Variants in PCARE observed in about 807,000 individuals in gnomAD.
The protein encoded by PCARE is uncharacterized protein C2orf71.
In PCARE, 72 loss-of-function variants were observed where a neutral mutation model predicts 82.2. The observed-to-expected ratio is 0.88, with a 90% CI of 0.72 to 1.07. The LOEUF (loss-of-function observed/expected upper bound fraction) is 1.07. PCARE is among the 50% of genes least tolerant of loss of function. PCARE has a pLI of 0.00. For missense variants in PCARE, 1,768 were observed against 1,592.4 expected (o/e 1.11, Z -1.88); for synonymous variants, 705 against 634.8 (o/e 1.11, Z -1.66).
intron 1 of PCARE, among the ~76,000 whole-genome samples, chr2:29,066,216 C>T (rs944406237): frequency 6.6e-6 from 1 of 152,126 alleles, no homozygotes; most frequent in Non-Finnish European, 1.5e-5. Flanking sequence ...TCATAGGTAT[C>T]AATACTGGGT....
chr2:29,066,310 G>A (rs1477332647), intron 1 of PCARE, among the ~76,000 whole-genome samples: 2 of 152,148 alleles, frequency 1.3e-5, no homozygotes, highest in South Asian at 2.1e-4. Flanking sequence ...GAGCTGCATT[G>A]TTGAATGAAC....
Position 29,073,066 on chromosome 2 carries a change from T to G in PCARE, c.1196A>C (p.Gln399Pro), listed in dbSNP as rs748067441. Residue 399 changes from glutamine (Q) to proline (P), a missense_variant, in exon 1 of 2, where the codon CAA (glutamine) becomes CCA (proline). Transcript: ENST00000331664. ...EARQSGHTWQ[Q>P]SPFCLGSGRP... Reference sequence around the variant, plus strand: ...GCCTGAGCCCAAACAGAATGGACTTTGCTGCCAGGTGTGTCCTGACTGCCT... The same window carrying G: ...GCCTGAGCCCAAACAGAATGGACTTGGCTGCCAGGTGTGTCCTGACTGCCT... 1 of 1,614,014 alleles carries G rather than the reference T, an allele frequency of 6.2e-7. No homozygotes were observed. Among genetic ancestry groups the G allele is most frequent in the South Asian group, 1.1e-5 (1 of 91,074 alleles).
At chr2:29,066,641 G>C (rs533569649) in intron 1 of PCARE, among the ~76,000 whole-genome samples, 16 of 152,358 alleles carry the variant, frequency 1.1e-4, no homozygotes, top group Middle Eastern at 3.4e-3. Flanking sequence ...TGGGCGCTAA[G>C]ACCAGCACAC....
rs891696534 is a variant in PCARE, at chr2:29,074,359, A to T, written c.-98T>A. On this transcript the variant is annotated 5_prime_UTR_variant, in exon 1 of 2. Transcript: ENST00000331664. ...GGCAATCTTACTAGTCCATCCAGGC[A>T]ATTTTCAGGCCAGAATTCTTTGAAG... 5.3e-6 allele frequency: 7 copies of T among 1,310,674 alleles called. No homozygotes were observed. Among genetic ancestry groups the T allele is most frequent in the Non-Finnish European group, 7.2e-6 (7 of 966,800 alleles). The allele number at this position is 1,310,674 out of a possible 1,614,324, so 81.2% of individuals were successfully genotyped here.
In PCARE at chr2:29,074,388, A is replaced by G. The variant is rs571379781; in HGVS notation, c.-127T>C. ...TTCAGGCCAGAATTCTTTGAAGTCC[A>G]TGGTACAATATCCTAAACTTGGAAC... On this transcript the variant is annotated 5_prime_UTR_variant, in exon 1 of 2. An upstream start codon of the reference 5' UTR is lost. Transcript: ENST00000331664. The G allele has an allele frequency of 3.1e-5, 30 of 956,008 alleles. No individual in the cohort carries two copies. The highest frequency in any genetic ancestry group is 3.1e-4 in the East Asian group (12 of 39,018). 59.2% of individuals were successfully genotyped at this position (956,008 alleles called of 1,614,324 possible).
chr2:29,073,391 T>G lies in PCARE; in HGVS notation c.871A>C (p.Ser291Arg). The change falls in exon 1 of 2, where the codon AGC becomes CGC. Residue 291 changes from serine to arginine, a missense_variant. By Grantham distance (110) the Ser-to-Arg change is moderately radical (BLOSUM62 -1). Coordinates refer to ENST00000331664, the MANE Select transcript of PCARE (RefSeq NM_001029883.3). Reference protein sequence around the residue: ...LNGTVASLTGSFLEGSSSYLH... With the variant: ...LNGTVASLTGRFLEGSSSYLH... ...TAGCTGCTGGAGCCCTCCAGGAAGC[T>G]GCCGGTGAGCGAGGCCACTGTGCCA... 1 of 1,613,960 alleles carries G rather than the reference T, an allele frequency of 6.2e-7. No homozygotes were observed. The highest frequency in any genetic ancestry group is 1.1e-5 in the South Asian group (1 of 91,086).
At position 29,072,030 on chromosome 2, in the gene PCARE, C is replaced by CA; in HGVS notation, c.2231dup (p.Arg745GlufsTer7). The stretch of plus-strand genomic sequence containing the variant: ...CGTCCTTAGAGTCCCCCAGCATCCT[C>CA]AGACTCTCCGTGGGACTGAAAGTTT... On this transcript the variant is annotated frameshift_variant, in exon 1 of 2. Coordinates refer to ENST00000331664, the MANE Select transcript of PCARE (RefSeq NM_001029883.3). LOFTEE classifies it high-confidence loss of function. 1.2e-6 allele frequency: 2 copies of CA among 1,614,172 alleles called. No homozygotes were observed. Among genetic ancestry groups the CA allele is most frequent in the Non-Finnish European group, 1.7e-6 (2 of 1,180,018 alleles).
chr2:29,068,144 C>T (rs1233729338), intron 1 of PCARE, among the ~76,000 whole-genome samples: 1 of 152,184 alleles, frequency 6.6e-6, no homozygotes, highest in Non-Finnish European at 1.5e-5. Flanking sequence ...AATGCATTAA[C>T]ATTTATAGAG....
rs771188017 is a variant in PCARE at position 29,071,555 on chromosome 2, G to T, written c.2707C>A (p.Pro903Thr). ...CCACTCCCTGGCCCTGTGCTGTGAG[G>T]CTTGGTCAGGCTGGCGGTGCTCTTG... ...PSKSTASLTK[P>T]HSTGPGSGRS... is the part of the protein sequence containing the mutation. Residue 903 changes from proline (P) to threonine (T), a missense_variant, in exon 1 of 2, where the codon CCT becomes ACT. By Grantham distance (38) the Pro-to-Thr change is conservative (BLOSUM62 -1). Coordinates refer to ENST00000331664, the MANE Select transcript of PCARE (RefSeq NM_001029883.3). 1.1e-5 allele frequency: 18 copies of T among 1,610,324 alleles called. No individual in the cohort carries two copies. The East Asian group carries it at 3.3e-4, about 30-fold the overall frequency.
rs1241449418 is a variant in PCARE at position 29,071,130 on chromosome 2, T to C, written c.3132A>G (p.Thr1044=). ...GGTGCGGTGGGGAAGTTCGCCGCTT[T>C]GTGGTGGGTGGGCTTAGCACCCTGG... is the stretch of plus-strand genomic sequence containing the variant. The part of the protein sequence containing the change: ...VSPRVLSPPT[T]KRRTSPPHQP... The change falls in exon 1 of 2, where the codon ACA becomes ACG. Residue 1044 remains threonine, a synonymous_variant. Transcript: ENST00000331664. The C allele has an allele frequency of 6.3e-7, 1 of 1,580,610 alleles. No homozygotes were observed. The highest frequency in any genetic ancestry group is 1.7e-5 in the Admixed American group (1 of 58,140).
chr2:29,071,437 C>A lies in PCARE; in HGVS notation c.2825G>T (p.Ser942Ile), dbSNP rs749286077. Residue 942 changes from serine (S) to isoleucine (I), a missense_variant, in exon 1 of 2, where the codon AGT (serine) becomes ATT (isoleucine). Transcript: ENST00000331664. The part of the protein sequence containing the change: ...QSPEVKGGTW[S>I]QAEKATSLYR... ...GAGGCTGGTGGCCTTCTCTGCCTGA[C>A]TCCAAGTCCCACCCTTCACCTCGGG... The A allele has an allele frequency of 1.2e-6, 2 of 1,613,312 alleles. No homozygotes were observed. The highest frequency in any genetic ancestry group is 1.7e-6 in the Non-Finnish European group (2 of 1,179,988).
Position 29,073,507 on chromosome 2 carries a change from G to GA in PCARE, c.754_755insT (p.Ala252ValfsTer59). The GA allele has an allele frequency of 6.2e-7, 1 of 1,614,164 alleles. No homozygotes were observed. The highest frequency in any genetic ancestry group is 1.3e-5 in the African/African-American group (1 of 75,030). The stretch of plus-strand genomic sequence containing the variant: ...GGGCTCTCTTTTCTTCAAAGGCCAA[G>GA]CCAGATCCTCCCTGACTTCCTGCAG... On this transcript the variant is annotated frameshift_variant, in exon 1 of 2. Coordinates refer to ENST00000331664, the MANE Select transcript of PCARE (RefSeq NM_001029883.3). LOFTEE classifies it high-confidence loss of function.
rs1667364866 is a variant in PCARE, at chr2:29,064,667, C to T, written c.*202G>A. ...AAAAGTTCTGGTTAACCTTTGAACC[C>T]CAAGGCAGAGCAAGATCTGGGACTG... On this transcript the variant is annotated 3_prime_UTR_variant, in exon 2 of 2. Transcript: ENST00000331664. 4.5e-6 allele frequency: 3 copies of T among 660,562 alleles called. No individual in the cohort carries two copies. The Admixed American group carries it at 7.2e-5, about 16-fold the overall frequency. 40.9% of individuals were successfully genotyped at this position (660,562 alleles called of 1,614,324 possible).
At chr2:29,067,694 G>A (rs1473660727) in intron 1 of PCARE, among the ~76,000 whole-genome samples, 1 of 152,202 alleles carries the variant, frequency 6.6e-6, no homozygotes, top group Non-Finnish European at 1.5e-5. Context: ...ACAGGTGCGT[G>A]CCACCATACC....
At position 29,073,523 on chromosome 2, in the gene PCARE, C is replaced by T. The variant is rs184193045; in HGVS notation, c.739G>A (p.Val247Ile). The T allele has an allele frequency of 1.3e-5, 21 of 1,614,230 alleles. No homozygotes were observed. The Admixed American group carries it at 2.3e-4, about 18-fold the overall frequency. The change falls in exon 1 of 2, where the codon GTC becomes ATC. Residue 247 changes from valine (V) to isoleucine (I), a missense_variant. Physicochemically the swap from Val to Ile is conservative, Grantham distance 29. Coordinates refer to ENST00000331664, the MANE Select transcript of PCARE (RefSeq NM_001029883.3). Reference protein sequence around the residue: ...SKDGEVLLQEVREDLAWPLKK... With the variant: ...SKDGEVLLQEIREDLAWPLKK... ...AAAGGCCAAGCCAGATCCTCCCTGA[C>T]TTCCTGCAGGAGCACTTCTCCATCC... is the stretch of plus-strand genomic sequence containing the variant.
rs1553353627 is a variant in PCARE, at chr2:29,065,060, C to CCCT, written c.3675_3676insAGG (p.Ser1225_Glu1226insArg). The CCCT allele has an allele frequency of 9.0e-6, 14 of 1,549,624 alleles. No individual in the cohort carries two copies. The African/African-American group carries it at 1.6e-4, about 18-fold the overall frequency. ...TCTGTGTCCTTCTTAGGGCTCTCCT[C>CCCT]GCTGCTGCTGCCGAGAGAAAGGACA... On this transcript the variant is annotated inframe_insertion, in exon 2 of 2. Transcript: ENST00000331664.
At chr2:29,070,505 A>G (rs1245427049) in intron 1 of PCARE, 89 bp downstream of exon 1, 5 of 1,561,800 alleles carry the variant, frequency 3.2e-6, no homozygotes, top group South Asian at 2.2e-5. Flanking sequence ...TTTGAAAACT[A>G]CTGAGACCCA....
chr2:29,065,531 G>A (rs936005971), intron 1 of PCARE, among the ~76,000 whole-genome samples: 2 of 152,262 alleles, frequency 1.3e-5, no homozygotes, highest in Admixed American at 6.5e-5. Context: ...TTGGCCCAGC[G>A]CAGGCCCCGC....
At position 29,074,084 on chromosome 2, in the gene PCARE, C is replaced by A; in HGVS notation, c.178G>T (p.Glu60Ter). The change falls in exon 1 of 2, where the codon GAG becomes TAG. Residue 60 changes from glutamate (E) to a stop codon, truncating the protein, a stop_gained. Coordinates refer to ENST00000331664, the MANE Select transcript of PCARE (RefSeq NM_001029883.3). LOFTEE classifies it high-confidence loss of function. Reference protein sequence around the residue: ...CYDAGEGLAEEQPSPRRNQTT... With the variant: ...CYDAGEGLAE Reference sequence around the variant, plus strand: ...TGGTTCCTCCTGGGACTTGGCTGCTCCTCTGCCAGGCCCTCCCCAGCGTCA... The same window carrying A: ...TGGTTCCTCCTGGGACTTGGCTGCTACTCTGCCAGGCCCTCCCCAGCGTCA... The A allele has an allele frequency of 6.2e-7, 1 of 1,614,196 alleles. No individual in the cohort carries two copies. Among genetic ancestry groups the A allele is most frequent in the Non-Finnish European group, 8.5e-7 (1 of 1,180,032 alleles).
Sources: allele counts gnomAD v4.1 joint callset (sites outside exome capture counted in the v4.1 genomes callset), GRCh38; gene constraint gnomAD v4.1.1; transcripts MANE v1.5; gene names NCBI Gene and HGNC (gene_info 2026-07-23, HGNC 2026-07-21).